Variants in MTFR1 observed in about 807,000 individuals in gnomAD.
MTFR1 encodes chondrocyte protein with a poly-proline region.
A neutral mutation model predicts 38.8 loss-of-function variants in MTFR1; 28 were observed. The ratio of observed to expected loss-of-function variants is 0.72; its 90% CI spans 0.53 to 0.99. MTFR1 has a LOEUF of 0.99. Ranked by LOEUF, MTFR1 falls within the 50% of genes least tolerant of loss-of-function variation. The pLI is 0.00. For synonymous variants in MTFR1, 145 were observed against 137.0 expected (o/e 1.06, Z -0.41); for missense variants, 358 against 395.5 (o/e 0.91, Z 0.81).
chr8:65,667,181 CAGG>C (rs1167093857), intron 1 of MTFR1, among the ~76,000 whole-genome samples: 1 of 151,522 alleles, frequency 6.6e-6, no homozygotes, highest in Non-Finnish European at 1.5e-5. Flanking sequence ...GAAGCTGAGG[CAGG>C]AGAAGTGCTT....
chr8:65,767,591 A>G (rs1373776715), intron 3 of MTFR1, among the ~76,000 whole-genome samples: 1 of 152,120 alleles, frequency 6.6e-6, no homozygotes, highest in East Asian at 1.9e-4. Context: ...CTCTCCCCAG[A>G]GAGGGTCTTG....
At chr8:65,692,541 T>C (rs1376264417) in intron 3 of MTFR1, among the ~76,000 whole-genome samples, 1 of 152,156 alleles carries the variant, frequency 6.6e-6, no homozygotes, top group Non-Finnish European at 1.5e-5. Flanking sequence ...GGTTTCACCA[T>C]GTTGGCCAAG....
At chr8:65,717,545 C>T (rs552409504) in intron 2 of MTFR1, 1 of 152,308 alleles carries the variant, frequency 6.6e-6, no homozygotes, top group South Asian at 2.1e-4. Context: ...CAAGGTGAGT[C>T]ATTAGTAGAT....
chr8:65,656,079 C>T (rs1440614587), intron 1 of MTFR1, among the ~76,000 whole-genome samples: 1 of 147,158 alleles, frequency 6.8e-6, no homozygotes, highest in Non-Finnish European at 1.5e-5. Flanking sequence ...GCCTGCAATC[C>T]CAGCTACTCA....
chr8:65,704,899 AC>A lies in MTFR1; in HGVS notation c.490del (p.Gln164SerfsTer12), dbSNP rs770953543. On this transcript the variant is annotated frameshift_variant, in exon 5 of 8. Transcript: ENST00000262146. LOFTEE classifies it high-confidence loss of function. ...ALRAQIAKIV[T>X]QQEQQNLTAG... ...CAGAGCTCAGATTGCCAAAATTGTG[AC>A]CCAGCAGGAGCAGCAAAATCTCACT... 1 of 1,602,444 alleles carries A rather than the reference AC, an allele frequency of 6.2e-7. No homozygotes were observed. The highest frequency in any genetic ancestry group is 1.1e-5 in the South Asian group (1 of 89,802).
intron 1 of MTFR1, among the ~76,000 whole-genome samples, chr8:65,663,018 GT>G (rs1283560205): frequency 1.3e-5 from 2 of 152,142 alleles, no homozygotes; most frequent in African/African-American, 4.8e-5. Context: ...CCACCACCCT[GT>G]CTGGGAGGTG....
At chr8:65,650,183 C>T (rs982597620) in intron 1 of MTFR1, among the ~76,000 whole-genome samples, 3 of 150,376 alleles carry the variant, frequency 2.0e-5, no homozygotes, top group South Asian at 2.1e-4. Context: ...CCATGTTGGC[C>T]AGACTGCTGG....
chr8:65,696,133 A>G (rs1215896896), intron 4 of MTFR1, among the ~76,000 whole-genome samples: 1 of 152,176 alleles, frequency 6.6e-6, no homozygotes, highest in African/African-American at 2.4e-5. Flanking sequence ...CAGTTGGAAG[A>G]TTATCATTGA....
intron 3 of MTFR1, among the ~76,000 whole-genome samples, chr8:65,731,052 G>A (rs1340560306): frequency 6.6e-6 from 1 of 152,178 alleles, no homozygotes; most frequent in Admixed American, 6.5e-5. Flanking sequence ...CCATGTGCTG[G>A]TGCTGTTTTA....
chr8:65,680,083 A>G (rs950286619), intron 2 of MTFR1, among the ~76,000 whole-genome samples: 1 of 151,800 alleles, frequency 6.6e-6, no homozygotes, highest in African/African-American at 2.4e-5. Flanking sequence ...AAAATGTGTG[A>G]TAAAAATTAT....
At chr8:65,738,144 T>C (rs1807233291) in intron 3 of MTFR1, among the ~76,000 whole-genome samples, 1 of 145,272 alleles carries the variant, frequency 6.9e-6, no homozygotes, top group Non-Finnish European at 1.5e-5. Context: ...ACAATAGCAT[T>C]ATGTCTTTAA....
intron 3 of MTFR1, among the ~76,000 whole-genome samples, chr8:65,691,656 T>C (rs1805281642): frequency 6.6e-6 from 1 of 152,088 alleles, no homozygotes; most frequent in Non-Finnish European, 1.5e-5. Context: ...TTTTGGATTT[T>C]GGTTTTTTTT....
chr8:65,682,571 A>G (rs1208857981), intron 3 of MTFR1, 120 bp downstream of exon 3: 20 of 603,306 alleles, frequency 3.3e-5, no homozygotes, highest in African/African-American at 3.9e-5. Context: ...GCCACTATCA[A>G]TACAATAGAA....
At position 65,673,926 on chromosome 8, in the gene MTFR1, T is replaced by C. The variant is rs116094621; in HGVS notation, c.66+3908T>C. 3.0e-3 allele frequency among the ~76,000 whole-genome samples: 450 copies of C among 152,118 alleles called. 2 individuals are homozygous for C. Among genetic ancestry groups the C allele is most frequent in the African/African-American group, 0.01 (433 of 41,522 alleles). Reference sequence around the variant, plus strand: ...GTCTCAAAAAAAAAATAGTAATGCATAAGTTTGAAATATTGTGTGAATCAT... The same window carrying C: ...GTCTCAAAAAAAAAATAGTAATGCACAAGTTTGAAATATTGTGTGAATCAT... On this transcript the variant is annotated intron_variant, in intron 2 of 7. Coordinates refer to ENST00000262146, the MANE Select transcript of MTFR1 (RefSeq NM_014637.4).
At chr8:65,757,175 G>C (rs970720743) in intron 3 of MTFR1, among the ~76,000 whole-genome samples, 1 of 152,176 alleles carries the variant, frequency 6.6e-6, no homozygotes, top group Non-Finnish European at 1.5e-5. Context: ...CAGAAAAGTG[G>C]GCAGACATTA....
intron 2 of MTFR1, chr8:65,719,276 A>T: frequency 6.3e-7 from 1 of 1,594,404 alleles, no homozygotes; most frequent in Admixed American, 1.7e-5. Flanking sequence ...AGTTTGTCCC[A>T]CTGGTTCTGG....
At chr8:65,745,297 A>G (rs1807623943) in intron 3 of MTFR1, 4 of 717,060 alleles carry the variant, frequency 5.6e-6, no homozygotes, top group Non-Finnish European at 1.0e-5. Flanking sequence ...CTCTTCCAGC[A>G]GAGGGCTAAC....
intron 3 of MTFR1, among the ~76,000 whole-genome samples, chr8:65,741,268 A>C (rs1807419371): frequency 6.6e-6 from 1 of 152,226 alleles, no homozygotes; most frequent in Non-Finnish European, 1.5e-5. Flanking sequence ...GCCAACATTC[A>C]GATAATGCAA....
intron 3 of MTFR1, among the ~76,000 whole-genome samples, chr8:65,735,436 G>A (rs946604736): frequency 6.6e-6 from 1 of 151,908 alleles, no homozygotes; most frequent in African/African-American, 2.4e-5. Flanking sequence ...AGCCTCCCAA[G>A]TAGTTGGAAC....
Sources: allele counts gnomAD v4.1 joint callset (sites outside exome capture counted in the v4.1 genomes callset), GRCh38; gene constraint gnomAD v4.1.1; transcripts MANE v1.5; gene names NCBI Gene and HGNC (gene_info 2026-07-23, HGNC 2026-07-21).